The following SH3BGRL2 variants were observed in gnomAD, a reference collection of about 807,000 sequenced individuals.
SH3BGRL2 encodes the protein SH3 domain-binding glutamic acid-rich-like protein 2.
Under a neutral mutation model 14.8 loss-of-function variants are expected in SH3BGRL2, and 21 were observed. That is an observed-to-expected ratio of 1.42 (90% CI 1.01 to 2.05). SH3BGRL2 has a LOEUF of 2.05. Among genes scored for constraint, SH3BGRL2 ranks in the 30% most tolerant of loss-of-function variants. The pLI is 0.00. For missense variants in SH3BGRL2, 147 were observed against 130.8 expected (o/e 1.12, Z -0.61); for synonymous variants, 50 against 47.8 (o/e 1.05, Z -0.19).
the SH3BGRL2 span, among the ~76,000 whole-genome samples, chr6:79,623,513 A>C: frequency 1.3e-5 from 2 of 152,198 alleles, no homozygotes; most frequent in Non-Finnish European, 2.9e-5. Flanking sequence ...TTTCCCCTTG[A>C]AAGCTGCTAT....
chr6:79,623,064 G>A, the SH3BGRL2 span, among the ~76,000 whole-genome samples: 1 of 152,102 alleles, frequency 6.6e-6, no homozygotes, highest in African/African-American at 2.4e-5. Context: ...CCAGCACTTT[G>A]GGAGGCTGAG....
At chr6:79,550,853 T>C in the SH3BGRL2 span, among the ~76,000 whole-genome samples, 1 of 152,176 alleles carries the variant, frequency 6.6e-6, no homozygotes, top group Non-Finnish European at 1.5e-5. Flanking sequence ...AGCAAACCTG[T>C]CTCATTTGTA....
chr6:79,597,572 G>A, the SH3BGRL2 span, among the ~76,000 whole-genome samples: 5 of 152,180 alleles, frequency 3.3e-5, no homozygotes, highest in Non-Finnish European at 7.3e-5. Context: ...TCCACATGCA[G>A]AAGAATGAAG....
chr6:79,661,937 G>T (rs150230134), intron 1 of SH3BGRL2, among the ~76,000 whole-genome samples: 32 of 152,210 alleles, frequency 2.1e-4, no homozygotes, highest in Admixed American at 4.6e-4. Flanking sequence ...TGTTTTATCA[G>T]AGACTAGGAT....
chr6:79,657,523 T>C (rs1006865994), intron 1 of SH3BGRL2, among the ~76,000 whole-genome samples: 1 of 152,172 alleles, frequency 6.6e-6, no homozygotes, highest in Non-Finnish European at 1.5e-5. Context: ...TCTTTTGACA[T>C]GAACAGGTAA....
intron 1 of SH3BGRL2, among the ~76,000 whole-genome samples, chr6:79,659,276 A>C (rs575645525): frequency 6.6e-6 from 1 of 152,310 alleles, no homozygotes; most frequent in South Asian, 2.1e-4. Context: ...TTTAGGTCTA[A>C]CATTTAAATA....
chr6:79,662,939 G>T (rs541478104), intron 1 of SH3BGRL2, among the ~76,000 whole-genome samples: 1 of 151,672 alleles, frequency 6.6e-6, no homozygotes, highest in South Asian at 2.1e-4. Flanking sequence ...TGATCAAATC[G>T]GCTGTTGAAG....
rs377033601 is a variant in SH3BGRL2, at chr6:79,657,158, A to C, written c.46-16456A>C. On this transcript the variant is annotated intron_variant, in intron 1 of 3. Coordinates refer to ENST00000369838, the MANE Select transcript of SH3BGRL2 (RefSeq NM_031469.4). ...TGAGAGTAGGACCAGGAGACTATGGAACTTTTTTTTTTTAAATCAAGAGCC... is the reference window on the plus strand; with the variant it reads ...TGAGAGTAGGACCAGGAGACTATGGCACTTTTTTTTTTTAAATCAAGAGCC... 3.6e-3 allele frequency among the ~76,000 whole-genome samples: 545 copies of C among 152,218 alleles called. 4 individuals carry two copies. Among genetic ancestry groups the C allele is most frequent in the African/African-American group, 0.012 (510 of 41,528 alleles).
intron 1 of SH3BGRL2, among the ~76,000 whole-genome samples, chr6:79,663,152 A>G (rs1238341618): frequency 6.6e-6 from 1 of 152,096 alleles, no homozygotes; most frequent in Non-Finnish European, 1.5e-5. Context: ...ACTTCTGTCT[A>G]CTCGTCAAAG....
chr6:79,656,614 G>T (rs1195837186), intron 1 of SH3BGRL2, among the ~76,000 whole-genome samples: 1 of 151,900 alleles, frequency 6.6e-6, no homozygotes, highest in Admixed American at 6.6e-5. Context: ...GAAAAGAACA[G>T]TTCAACAATA....
chr6:79,630,864 A>C (rs1768807717), upstream of SH3BGRL2, among the ~76,000 whole-genome samples: 1 of 152,000 alleles, frequency 6.6e-6, no homozygotes, highest in South Asian at 2.1e-4. Flanking sequence ...CCCACCGCCC[A>C]CACCTCCCAA....
chr6:79,589,258 G>T, the SH3BGRL2 span, among the ~76,000 whole-genome samples: 1 of 149,002 alleles, frequency 6.7e-6, no homozygotes, highest in Admixed American at 6.7e-5. Context: ...GAAATCTGTG[G>T]TTATGAGAGG....
chr6:79,686,509 G>C lies in SH3BGRL2; in HGVS notation c.232-9976G>C, dbSNP rs117817054. ...TTCTAGATCTCTAGCCTGGTTTTTA[G>C]CTCTATGCTATCCTGCTTTTTATTC... On this transcript the variant is annotated intron_variant, in intron 2 of 3. Coordinates refer to ENST00000369838, the MANE Select transcript of SH3BGRL2 (RefSeq NM_031469.4). 2.6e-4 allele frequency among the ~76,000 whole-genome samples: 40 copies of C among 152,050 alleles called. 1 individual carries two copies. The East Asian group carries it at 7.5e-3, about 29-fold the overall frequency.
At chr6:79,589,022 T>C in the SH3BGRL2 span, among the ~76,000 whole-genome samples, 6 of 152,148 alleles carry the variant, frequency 3.9e-5, no homozygotes, top group African/African-American at 1.4e-4. Flanking sequence ...AAGTTCCTTA[T>C]ATAAAATGAT....
At chr6:79,560,260 A>G in the SH3BGRL2 span, among the ~76,000 whole-genome samples, 1 of 152,222 alleles carries the variant, frequency 6.6e-6, no homozygotes, top group Non-Finnish European at 1.5e-5. Flanking sequence ...ATCAAAAGGA[A>G]AAATAAAGGT....
chr6:79,699,575 T>G lies in SH3BGRL2; in HGVS notation c.*66T>G, dbSNP rs1266727093. ...CCCCTGGTACTCAGCACACACATGC[T>G]TACCTAATGCATCACTGTGACAAAA... On this transcript the variant is annotated 3_prime_UTR_variant, in exon 4 of 4. Transcript: ENST00000369838. The G allele has an allele frequency of 6.8e-7, 1 of 1,475,224 alleles. No individual in the cohort carries two copies. The allele number at this position is 1,475,224 out of a possible 1,614,324, so 91.4% of individuals were successfully genotyped here.
intron 2 of SH3BGRL2, among the ~76,000 whole-genome samples, chr6:79,676,415 C>T (rs988996404): frequency 6.6e-6 from 1 of 152,172 alleles, no homozygotes; most frequent in East Asian, 1.9e-4. Flanking sequence ...ACCTTCACAA[C>T]AGATGATGCC....
the SH3BGRL2 span, among the ~76,000 whole-genome samples, chr6:79,578,761 T>G: frequency 1.3e-5 from 2 of 152,088 alleles, no homozygotes; most frequent in African/African-American, 4.8e-5. Flanking sequence ...GGATTGCAGC[T>G]CCTCGCCAGC....
intron 2 of SH3BGRL2, among the ~76,000 whole-genome samples, chr6:79,682,027 C>T (rs1385495434): frequency 6.6e-6 from 1 of 150,878 alleles, no homozygotes; most frequent in Non-Finnish European, 1.5e-5. Context: ...CACACACACA[C>T]ATATTTTAAG....
Sources: gnomAD v4.1 joint callset for allele counts (sites outside exome capture counted in the v4.1 genomes callset) on GRCh38, gnomAD v4.1.1 for gene constraint, MANE v1.5 for transcripts, NCBI Gene and HGNC (gene_info 2026-07-23, HGNC 2026-07-21) for gene names.